Variants in C19orf38 observed in about 807,000 individuals in gnomAD.
The protein encoded by C19orf38 is chromosome 19 open reading frame 38, also known as protein HIDE1.
A neutral mutation model predicts 26.6 loss-of-function variants in C19orf38; 14 were observed. The ratio of observed to expected loss-of-function variants is 0.53; its 90% CI spans 0.35 to 0.82. The LOEUF is 0.82. Among genes scored for constraint, C19orf38 ranks in the 40% least tolerant of loss-of-function variants. C19orf38 has a pLI of 0.01. For missense variants in C19orf38, 261 were observed against 299.5 expected (o/e 0.87, Z 0.95); for synonymous variants, 132 against 128.5 (o/e 1.03, Z -0.18).
At chr19:10,854,396 CA>C (rs983917284) in intron 2 of C19orf38, among the ~76,000 whole-genome samples, 2 of 152,250 alleles carry the variant, frequency 1.3e-5, no homozygotes, top group Non-Finnish European at 2.9e-5. Flanking sequence ...TTTTTCACTG[CA>C]AAAAATAATC....
chr19:10,869,176 C>T, intron 6 of C19orf38, 42 bp from the exon 7 acceptor site: 1 of 1,550,526 alleles, frequency 6.4e-7, no homozygotes, highest in Non-Finnish European at 8.7e-7. Context: ...ATCCTGAAAC[C>T]CCAAATCACC....
chr19:10,839,731 C>CTTTTTTTT (rs1235370560), intron 1 of C19orf38, among the ~76,000 whole-genome samples: 6 of 132,424 alleles, frequency 4.5e-5, no homozygotes, highest in Non-Finnish European at 3.3e-5. Flanking sequence ...TTCTTTTGTT[C>CTTTTTTTT]TTTTTTTTTT....
intron 1 of C19orf38, among the ~76,000 whole-genome samples, chr19:10,837,503 C>CTTTTTTTTTTTTTTTTTTTTTTTTTT (rs958209460): frequency 1.1e-5 from 1 of 93,618 alleles, no homozygotes; most frequent in Non-Finnish European, 2.2e-5. Context: ...TTTTTTTTTC[C>CTTTTTTTTTTTTTTTTTTTTTTTTTT]TTTTTTTTTT....
At chr19:10,866,128 C>G (rs186845808) in intron 6 of C19orf38, among the ~76,000 whole-genome samples, 34 of 151,692 alleles carry the variant, frequency 2.2e-4, no homozygotes, top group South Asian at 1.7e-3. Flanking sequence ...AACCTCCCCC[C>G]CTGGGTTCAA....
rs1361592038 is a variant in C19orf38 at position 10,869,435 on chromosome 19, G to T, written c.*68G>T. 10 of 1,466,734 alleles carry T rather than the reference G, an allele frequency of 6.8e-6. No individual in the cohort carries two copies. The highest frequency in any genetic ancestry group is 5.5e-5 in the Admixed American group (2 of 36,534). The allele number at this position is 1,466,734 out of a possible 1,614,324, so 90.9% of individuals were successfully genotyped here. A position where few individuals can be genotyped will look rare whatever the true frequency, so the allele number is the denominator to read the frequency against. ...GCCTGAGGTCCCTCCAGCTACTTCTGGGGGGGCTCTGTCAGCCACTTTCTC... is the reference window on the plus strand; with the variant it reads ...GCCTGAGGTCCCTCCAGCTACTTCTTGGGGGGCTCTGTCAGCCACTTTCTC... On this transcript the variant is annotated 3_prime_UTR_variant, in exon 7 of 7. Transcript: ENST00000397820.
chr19:10,848,378 A>G, upstream of C19orf38: 2 of 976,878 alleles, frequency 2.0e-6, no homozygotes, highest in Non-Finnish European at 3.1e-6. Context: ...ACTTCCTGCC[A>G]GTGAGGAAAC....
chr19:10,869,381 G>A lies in C19orf38; in HGVS notation c.*14G>A. 1 of 1,543,166 alleles carries A rather than the reference G, an allele frequency of 6.5e-7. No homozygotes were observed. The highest frequency in any genetic ancestry group is 1.2e-5 in the South Asian group (1 of 83,580). On this transcript the variant is annotated 3_prime_UTR_variant, in exon 7 of 7. Coordinates refer to ENST00000397820, the MANE Select transcript of C19orf38 (RefSeq NM_001136482.3). ...GCCTGCCAGTGAGGCTGAGGACTGG[G>A]GGACCCCTCTGTCTCCAGGCATTCG...
chr19:10,862,268 A>T (rs1232714743), intron 5 of C19orf38, among the ~76,000 whole-genome samples: 3 of 134,278 alleles, frequency 2.2e-5, no homozygotes, highest in African/African-American at 5.8e-5. Context: ...GCAGTGGCGC[A>T]ATCATAGCTC....
chr19:10,857,831 A>G (rs2073645110), intron 3 of C19orf38, among the ~76,000 whole-genome samples: 1 of 151,442 alleles, frequency 6.6e-6, no homozygotes, highest in Non-Finnish European at 1.5e-5. Context: ...CAGTGAGTCA[A>G]GATCATACCA....
Position 10,869,435 on chromosome 19 carries a change from G to A in C19orf38, c.*68G>A. 1.4e-6 allele frequency: 2 copies of A among 1,466,736 alleles called. No homozygotes were observed. Among genetic ancestry groups the A allele is most frequent in the Admixed American group, 5.5e-5 (2 of 36,534 alleles). The allele number at this position is 1,466,736 out of a possible 1,614,324, so 90.9% of individuals were successfully genotyped here. On this transcript the variant is annotated 3_prime_UTR_variant, in exon 7 of 7. Transcript: ENST00000397820. ...GCCTGAGGTCCCTCCAGCTACTTCT[G>A]GGGGGGCTCTGTCAGCCACTTTCTC...
rs1026998471 is a variant in C19orf38 at position 10,852,084 on chromosome 19, G to A, written c.340+1517G>A. 3.3e-5 allele frequency among the ~76,000 whole-genome samples: 5 copies of A among 151,992 alleles called. No homozygotes were observed. The South Asian group carries it at 8.3e-4, about 25-fold the overall frequency. ...GGAGGATCATTTGAATCTGGGAGGC[G>A]GAGGTTACAGTGAGCCAAGACAGTG... is the stretch of plus-strand genomic sequence containing the variant. On this transcript the variant is annotated intron_variant, in intron 2 of 6. Transcript: ENST00000397820.
At chr19:10,839,535 G>A (rs1018890091) in intron 1 of C19orf38, among the ~76,000 whole-genome samples, 1 of 152,056 alleles carries the variant, frequency 6.6e-6, no homozygotes, top group Non-Finnish European at 1.5e-5. Context: ...AACTAGCTAT[G>A]TGCTTTTTGC....
chr19:10,859,304 G>A (rs1179830773), intron 4 of C19orf38, among the ~76,000 whole-genome samples: 5 of 141,956 alleles, frequency 3.5e-5, no homozygotes, highest in Non-Finnish European at 6.2e-5. Flanking sequence ...ATGTGTGTGT[G>A]TGTATGTATG....
intron 2 of C19orf38, among the ~76,000 whole-genome samples, chr19:10,851,625 G>A (rs116400778): frequency 3.6e-3 from 553 of 152,186 alleles, no homozygotes; most frequent in African/African-American, 0.013. Context: ...CCTGAGGTCA[G>A]AGCTTAAGAC....
chr19:10,843,210 G>A lies in C19orf38; in HGVS notation c.-68-5231G>A, dbSNP rs570574135. ...ACCAATTAGGAAAGGGTAGGTATATGCAAACTAGGTGGAGGGTGGGGATCA... is the reference window on the plus strand; with the variant it reads ...ACCAATTAGGAAAGGGTAGGTATATACAAACTAGGTGGAGGGTGGGGATCA... On this transcript the variant is annotated intron_variant, in intron 1 of 7. Coordinates refer to the C19orf38 transcript ENST00000592854. 3.9e-5 allele frequency among the ~76,000 whole-genome samples: 6 copies of A among 152,324 alleles called. No homozygotes were observed. The South Asian group carries it at 1.2e-3, about 32-fold the overall frequency.
chr19:10,860,259 C>T (rs976668377), intron 5 of C19orf38, among the ~76,000 whole-genome samples: 1 of 151,948 alleles, frequency 6.6e-6, no homozygotes, highest in Admixed American at 6.6e-5. Flanking sequence ...GGCGGCCAGG[C>T]GCGGTGACTC....
intron 5 of C19orf38, among the ~76,000 whole-genome samples, chr19:10,862,551 C>G (rs1248987736): frequency 1.3e-5 from 2 of 151,716 alleles, no homozygotes. Context: ...TAATGGAGGC[C>G]GGGTGTGGTG....
chr19:10,869,497 C>T lies in C19orf38; in HGVS notation c.*130C>T, dbSNP rs958059898. 1.7e-5 allele frequency: 22 copies of T among 1,297,284 alleles called. No individual in the cohort carries two copies. In the Admixed American group the frequency reaches 2.3e-4, roughly 14 times the overall value. The allele number at this position is 1,297,284 out of a possible 1,614,324, so 80.4% of individuals were successfully genotyped here. On this transcript the variant is annotated 3_prime_UTR_variant, in exon 7 of 7. Coordinates refer to ENST00000397820, the MANE Select transcript of C19orf38 (RefSeq NM_001136482.3). ...CAGAGGAAAGGAAGGGGAACCCTGG[C>T]CTTGGGATTTTCATCACAGAGGAGT...
chr19:10,857,366 A>ATATATATATATATATATATATAT (rs1433358051), intron 3 of C19orf38, among the ~76,000 whole-genome samples: 1 of 56,104 alleles, frequency 1.8e-5, no homozygotes, highest in Non-Finnish European at 2.6e-5. Flanking sequence ...ATATATATAT[A>ATATATATATATATATATATATAT]TTTTTTTTTT....
Sources: gnomAD v4.1 joint callset for allele counts (sites outside exome capture counted in the v4.1 genomes callset) on GRCh38, gnomAD v4.1.1 for gene constraint, MANE v1.5 for transcripts, NCBI Gene and HGNC (gene_info 2026-07-23, HGNC 2026-07-21) for gene names.